SLC8A3: variants seen among roughly 807,000 people sequenced by gnomAD.
The protein encoded by SLC8A3 is solute carrier family 8 member A3, also known as sodium/calcium exchanger 3.
Under a neutral mutation model 65.4 loss-of-function variants are expected in SLC8A3, and 37 were observed. The ratio of observed to expected loss-of-function variants is 0.57; its 90% CI spans 0.44 to 0.74. The LOEUF is 0.74. Ranked by LOEUF, SLC8A3 falls within the 30% of genes least tolerant of loss-of-function variation. SLC8A3 has a pLI of 0.00. For synonymous variants in SLC8A3, 461 were observed against 444.5 expected, an observed-to-expected ratio of 1.04 and a Z score of -0.47; for missense variants, 1,112 against 1,172.1, an observed-to-expected ratio of 0.95 and a Z score of 0.75.
At chr14:70,136,217 C>T (rs565985147) in intron 2 of SLC8A3, among the ~76,000 whole-genome samples, 9 of 152,240 alleles carry the variant, frequency 5.9e-5, no homozygotes, top group African/African-American at 2.2e-4. Context: ...TGCTAGCAAC[C>T]CACTGGAAGC....
chr14:70,060,554 A>G, intron 3 of SLC8A3: 1 of 537,228 alleles, frequency 1.9e-6, no homozygotes. Flanking sequence ...TCATTAGGGT[A>G]ATGAGGAGTT....
rs1225622853 is a variant in SLC8A3, at chr14:70,046,180, C to T, written c.2533G>A (p.Gly845Arg). ...SVAAIYWALQ[G>R]QEFHVSAGTL... Reference sequence around the variant, plus strand: ...CCGGCCGACACGTGGAACTCCTGTCCCTGCAGAGCCCAGTAGATGGCGGCC... The same window carrying T: ...CCGGCCGACACGTGGAACTCCTGTCTCTGCAGAGCCCAGTAGATGGCGGCC... Residue 845 changes from glycine to arginine, a missense_variant, in exon 7 of 7, where the codon GGA becomes AGA. Physicochemically the swap from Gly to Arg is moderately radical, Grantham distance 125. Coordinates refer to ENST00000356921, the MANE Select transcript of SLC8A3 (RefSeq NM_182932.3). This position sits in a 1 kb window ranked among gnomAD's most constrained non-coding sequence, Gnocchi z 4.2. The T allele has an allele frequency of 6.2e-7, 1 of 1,614,200 alleles. No individual in the cohort carries two copies. The highest frequency in any genetic ancestry group is 1.1e-5 in the South Asian group (1 of 91,082).
chr14:70,047,620 G>A (rs1311805090), intron 6 of SLC8A3: 1 of 152,244 alleles, frequency 6.6e-6, no homozygotes, highest in Non-Finnish European at 1.5e-5. Flanking sequence ...AATTTGATGT[G>A]AATTCAGCTA....
chr14:70,089,768 G>A (rs925664205), intron 2 of SLC8A3, among the ~76,000 whole-genome samples: 1 of 152,156 alleles, frequency 6.6e-6, no homozygotes, highest in Admixed American at 6.5e-5. Context: ...GCAATATGAT[G>A]CTTGTTTTTT....
chr14:70,121,142 C>G (rs74849292), intron 2 of SLC8A3, among the ~76,000 whole-genome samples: 1 of 152,022 alleles, frequency 6.6e-6, no homozygotes, highest in African/African-American at 2.4e-5. Flanking sequence ...AGACCCCCCC[C>G]AAAATGAGCC....
At chr14:70,059,471 A>G (rs184937977) in intron 3 of SLC8A3, 1 of 152,280 alleles carries the variant, frequency 6.6e-6, no homozygotes, top group East Asian at 1.9e-4. Flanking sequence ...TCCTCTTGTT[A>G]TTTCCCAGGA....
chr14:70,126,564 TCTCTCTCACA>T (rs1894459232), intron 2 of SLC8A3, among the ~76,000 whole-genome samples: 1 of 105,510 alleles, frequency 9.5e-6, no homozygotes, highest in Non-Finnish European at 2.0e-5. Context: ...TCTCTCTCTC[TCTCTCTCACA>T]CACACACACA....
intron 2 of SLC8A3, among the ~76,000 whole-genome samples, chr14:70,085,791 G>A (rs558794715): frequency 6.6e-6 from 1 of 152,262 alleles, no homozygotes; most frequent in African/African-American, 2.4e-5. Context: ...ATACTTACAT[G>A]TCATTTAATA....
intron 2 of SLC8A3, among the ~76,000 whole-genome samples, chr14:70,144,504 C>G (rs907905390): frequency 1.3e-5 from 2 of 151,652 alleles, no homozygotes; most frequent in Admixed American, 1.3e-4. Flanking sequence ...GTGGCACACG[C>G]CTGTAATCCC....
intron 2 of SLC8A3, among the ~76,000 whole-genome samples, chr14:70,133,849 TGGTG>T (rs1363451607): frequency 3.9e-5 from 6 of 152,152 alleles, no homozygotes; most frequent in Admixed American, 2.0e-4. Flanking sequence ...GTTGGGTCAA[TGGTG>T]GGTTTCTAAA....
In SLC8A3 at chr14:70,059,512, C is replaced by T. The variant is rs542328096; in HGVS notation, c.1888+1324G>A. On this transcript the variant is annotated intron_variant, in intron 3 of 6. Coordinates refer to ENST00000356921, the MANE Select transcript of SLC8A3 (RefSeq NM_182932.3). ...CTAACCCATTCCCACATCTATGCCT[C>T]CAAATGATTGGAAGCCATTCAAAGT... is the stretch of plus-strand genomic sequence containing the variant. The T allele has an allele frequency of 2.6e-5, 4 of 152,280 alleles. No individual in the cohort carries two copies. In the South Asian group the frequency reaches 8.3e-4, roughly 32 times the overall value. The allele number at this position is 152,280 out of a possible 1,614,324, so 9.4% of individuals were successfully genotyped here. A position where few individuals can be genotyped will look rare whatever the true frequency, so the allele number is the denominator to read the frequency against.
chr14:70,189,091 A>G (rs916272000), upstream of SLC8A3: 20 of 152,212 alleles, frequency 1.3e-4, 1 homozygote, highest in African/African-American at 4.1e-4. Flanking sequence ...CAAGCCGCGC[A>G]TATTTATCCT....
intron 2 of SLC8A3, among the ~76,000 whole-genome samples, chr14:70,072,594 C>T (rs1227268625): frequency 3.3e-5 from 3 of 91,292 alleles, no homozygotes; most frequent in East Asian, 5.1e-4. Context: ...TCTATCTATC[C>T]GTCCATCCAT....
intron 2 of SLC8A3, among the ~76,000 whole-genome samples, chr14:70,119,884 C>A (rs544798079): frequency 6.6e-6 from 1 of 152,216 alleles, no homozygotes; most frequent in African/African-American, 2.4e-5. Context: ...GATTCAGGCT[C>A]CCCTTCCAAG....
In SLC8A3 at chr14:70,167,110, C is replaced by T. The variant is rs774716188; in HGVS notation, c.1313G>A (p.Gly438Asp). The part of the protein sequence containing the change: ...TMYVDYKTED[G>D]SANAGADYEF... ...ATAGTCAGCCCCTGCATTGGCAGAA[C>T]CATCCTCTGTTTTGTAGTCCACATA... Residue 438 changes from glycine (G) to aspartate (D), a missense_variant, in exon 2 of 7, where the codon GGT (glycine) becomes GAT (aspartate). Coordinates refer to ENST00000356921, the MANE Select transcript of SLC8A3 (RefSeq NM_182932.3). 6.2e-6 allele frequency: 10 copies of T among 1,614,170 alleles called. No homozygotes were observed. Among genetic ancestry groups the T allele is most frequent in the Non-Finnish European group, 8.5e-6 (10 of 1,180,030 alleles).
At chr14:70,116,292 TACTA>T (rs1200226906) in intron 2 of SLC8A3, among the ~76,000 whole-genome samples, 1 of 151,786 alleles carries the variant, frequency 6.6e-6, no homozygotes, top group Non-Finnish European at 1.5e-5. Context: ...ATTTGGTGCA[TACTA>T]ACTAAATGGC....
At chr14:70,173,172 G>A (rs1264681333) in intron 1 of SLC8A3, among the ~76,000 whole-genome samples, 1 of 152,174 alleles carries the variant, frequency 6.6e-6, no homozygotes, top group Non-Finnish European at 1.5e-5. Flanking sequence ...GGTATGATTC[G>A]TCTTTCAGAA....
At chr14:70,155,434 C>T (rs971663941) in intron 2 of SLC8A3, among the ~76,000 whole-genome samples, 1 of 152,114 alleles carries the variant, frequency 6.6e-6, no homozygotes, top group Non-Finnish European at 1.5e-5. Flanking sequence ...CCTTTTTGAG[C>T]TCAATATTTT....
At chr14:70,068,351 A>T (rs1279190882) in intron 2 of SLC8A3, among the ~76,000 whole-genome samples, 1 of 152,172 alleles carries the variant, frequency 6.6e-6, no homozygotes, top group Non-Finnish European at 1.5e-5. Context: ...CCACCATGAG[A>T]ACCATAAGAA....
Sources: allele counts gnomAD v4.1 joint callset (sites outside exome capture counted in the v4.1 genomes callset), GRCh38; gene constraint gnomAD v4.1.1; non-coding constraint Gnocchi (gnomAD v3.1); transcripts MANE v1.5; gene names NCBI Gene and HGNC (gene_info 2026-07-23, HGNC 2026-07-21).